Variants in CADPS2 observed in about 807,000 individuals in gnomAD.
CADPS2 encodes calcium dependent secretion activator 2, also known as calcium-dependent secretion activator 2.
Under a neutral mutation model 172.5 loss-of-function variants are expected in CADPS2, and 93 were observed. The observed-to-expected ratio is 0.54, with a 90% CI of 0.46 to 0.64. CADPS2 has a LOEUF of 0.64. Ranked by LOEUF, CADPS2 falls within the 30% of genes least tolerant of loss-of-function variation. The pLI is 0.00. For missense variants in CADPS2, 1,420 were observed against 1,565.9 expected, an observed-to-expected ratio of 0.91 and a Z score of 1.57; for synonymous variants, 546 against 555.2, an observed-to-expected ratio of 0.98 and a Z score of 0.23.
At chr7:122,799,065 A>G (rs1332446831) in intron 1 of CADPS2, among the ~76,000 whole-genome samples, 1 of 152,136 alleles carries the variant, frequency 6.6e-6, no homozygotes, top group African/African-American at 2.4e-5. Flanking sequence ...TACAGTCACA[A>G]GATAAATAAG....
intron 5 of CADPS2, among the ~76,000 whole-genome samples, chr7:122,620,978 T>C (rs1404299053): frequency 6.6e-6 from 1 of 152,098 alleles, no homozygotes; most frequent in Non-Finnish European, 1.5e-5. Flanking sequence ...ATGATCACCA[T>C]TCCATGTACC....
At chr7:122,687,688 T>C (rs1019467122) in intron 2 of CADPS2, among the ~76,000 whole-genome samples, 3 of 152,184 alleles carry the variant, frequency 2.0e-5, no homozygotes, top group Admixed American at 6.5e-5. Context: ...TCTATTCCTA[T>C]CACACTTGCC....
At chr7:122,449,959 T>C (rs2052830084) in intron 15 of CADPS2, among the ~76,000 whole-genome samples, 1 of 152,092 alleles carries the variant, frequency 6.6e-6, no homozygotes, top group Admixed American at 6.5e-5. Flanking sequence ...AAATCACTAA[T>C]GTAGGGGAAT....
At chr7:122,438,158 G>A (rs1030983240) in intron 17 of CADPS2, among the ~76,000 whole-genome samples, 183 bp downstream of exon 17, 3 of 152,052 alleles carry the variant, frequency 2.0e-5, no homozygotes, top group African/African-American at 7.2e-5. Flanking sequence ...AGAGTCCCAG[G>A]AGGCATATTA....
At chr7:122,489,895 G>A (rs745461771) in intron 11 of CADPS2, among the ~76,000 whole-genome samples, 186 bp downstream of exon 11, 15 of 152,006 alleles carry the variant, frequency 9.9e-5, no homozygotes, top group East Asian at 3.9e-4. Flanking sequence ...GAAACCACAC[G>A]TACCATTTAC....
Position 122,542,121 on chromosome 7 carries a change from C to T in CADPS2, c.1475+12429G>A, listed in dbSNP as rs1434813774. Among the ~76,000 whole-genome samples the T allele has an allele frequency of 2.6e-5, 4 of 151,834 alleles. No homozygotes were observed. The East Asian group carries it at 7.7e-4, about 29-fold the overall frequency. Reference sequence around the variant, plus strand: ...ATACTAGTTCATTTAATCCTTACAGCATCATTTTGAAATTGGTGATTGTCA... The same window carrying T: ...ATACTAGTTCATTTAATCCTTACAGTATCATTTTGAAATTGGTGATTGTCA... On this transcript the variant is annotated intron_variant, in intron 8 of 29. Coordinates refer to ENST00000449022, the MANE Select transcript of CADPS2 (RefSeq NM_017954.11).
chr7:122,422,500 G>A (rs772839540), intron 17 of CADPS2, among the ~76,000 whole-genome samples: 2 of 152,016 alleles, frequency 1.3e-5, no homozygotes, highest in African/African-American at 4.8e-5. Flanking sequence ...TCCCCTAGCT[G>A]TTCCCCCTGC....
At chr7:122,665,163 T>C (rs2081059082) in intron 2 of CADPS2, among the ~76,000 whole-genome samples, 1 of 152,078 alleles carries the variant, frequency 6.6e-6, no homozygotes, top group South Asian at 2.1e-4. Context: ...ATCATACTAC[T>C]TGCACCACAC....
At chr7:122,394,132 TC>T (rs2044754617) in intron 20 of CADPS2, among the ~76,000 whole-genome samples, 1 of 152,214 alleles carries the variant, frequency 6.6e-6, no homozygotes, top group African/African-American at 2.4e-5. Flanking sequence ...TTTTAGTCAT[TC>T]AATTTTGCAT....
intron 1 of CADPS2, among the ~76,000 whole-genome samples, chr7:122,786,352 G>T (rs17144867): frequency 0.015 from 2,215 of 152,236 alleles, 51 homozygotes; most frequent in African/African-American, 0.051. Context: ...CTGGGATAAA[G>T]GACTGATCAG....
chr7:122,590,539 T>C (rs1253751882), intron 6 of CADPS2, among the ~76,000 whole-genome samples: 3 of 151,900 alleles, frequency 2.0e-5, no homozygotes, highest in African/African-American at 7.2e-5. Flanking sequence ...GACTGTAAGG[T>C]TGTTTCCAGT....
intron 1 of CADPS2, among the ~76,000 whole-genome samples, chr7:122,774,799 A>T (rs1267056208): frequency 6.6e-6 from 1 of 152,198 alleles, no homozygotes; most frequent in Non-Finnish European, 1.5e-5. Flanking sequence ...TTTGAGGCCT[A>T]CAATATATAT....
chr7:122,833,248 G>A (rs965045541), intron 1 of CADPS2, among the ~76,000 whole-genome samples: 16 of 152,084 alleles, frequency 1.1e-4, no homozygotes, highest in South Asian at 2.1e-4. Flanking sequence ...AGTTGTTTGC[G>A]CTGTTTTAAG....
chr7:122,870,832 T>C (rs928978819), intron 1 of CADPS2, among the ~76,000 whole-genome samples: 3 of 152,096 alleles, frequency 2.0e-5, no homozygotes, highest in African/African-American at 7.2e-5. Context: ...ACATGAAATC[T>C]GTTCAAATAT....
intron 1 of CADPS2, among the ~76,000 whole-genome samples, chr7:122,809,624 A>AT (rs1435150302): frequency 6.6e-6 from 1 of 151,824 alleles, no homozygotes; most frequent in African/African-American, 2.4e-5. Context: ...ATTCAAGATG[A>AT]TGTTCCCCAG....
rs147359939 is a variant in CADPS2, at chr7:122,783,901, G to A, written c.340-46833C>T. On this transcript the variant is annotated intron_variant, in intron 1 of 29. Coordinates refer to ENST00000449022, the MANE Select transcript of CADPS2 (RefSeq NM_017954.11). The stretch of plus-strand genomic sequence containing the variant: ...GATGCCTTCGACCATATCTATTACC[G>A]ATGTTATGCAAACTCTCAGGCCTTC... Among the ~76,000 whole-genome samples the A allele has an allele frequency of 3.1e-3, 476 of 152,180 alleles. No homozygotes were observed. In the Middle Eastern group the frequency reaches 0.034, roughly 11 times the overall value.
intron 17 of CADPS2, among the ~76,000 whole-genome samples, chr7:122,419,128 G>T (rs181788312): frequency 1.0e-3 from 157 of 152,250 alleles, no homozygotes; most frequent in African/African-American, 3.6e-3. Flanking sequence ...GTTATCTTGT[G>T]CAGGCTTTGG....
chr7:122,532,034 A>C (rs1028775212), intron 8 of CADPS2, among the ~76,000 whole-genome samples: 1 of 150,966 alleles, frequency 6.6e-6, no homozygotes. Context: ...CCGTCTCAAA[A>C]AAAAAAAAAA....
intron 14 of CADPS2, among the ~76,000 whole-genome samples, chr7:122,459,048 C>T (rs2054138124): frequency 6.6e-6 from 1 of 151,678 alleles, no homozygotes; most frequent in African/African-American, 2.4e-5. Flanking sequence ...TGAAAATTTC[C>T]TATAAATATG....
Sources: allele counts gnomAD v4.1 joint callset (sites outside exome capture counted in the v4.1 genomes callset), GRCh38; gene constraint gnomAD v4.1.1; transcripts MANE v1.5; gene names NCBI Gene and HGNC (gene_info 2026-07-23, HGNC 2026-07-21).